COL24A1: variants seen among roughly 807,000 people sequenced by gnomAD.
The protein encoded by COL24A1 is collagen alpha-1(XXIV) chain.
COL24A1 carries 224 observed loss-of-function variants against 253.9 expected under a neutral mutation model. The ratio of observed to expected loss-of-function variants is 0.88; its 90% CI spans 0.79 to 0.99. The LOEUF (loss-of-function observed/expected upper bound fraction) is 0.99. COL24A1 is among the 50% of genes least tolerant of loss of function. The pLI is 0.00. For missense variants in COL24A1, 2,131 were observed against 2,068.5 expected (o/e 1.03, Z -0.59); for synonymous variants, 685 against 673.7 (o/e 1.02, Z -0.26).
intron 12 of COL24A1, among the ~76,000 whole-genome samples, chr1:86,039,889 C>T (rs1318482092): frequency 1.3e-5 from 2 of 152,016 alleles, no homozygotes; most frequent in African/African-American, 4.8e-5. Flanking sequence ...CCCTTCTTTT[C>T]CTCACAGCAA....
At chr1:85,817,271 C>T (rs1236182479) in intron 46 of COL24A1, among the ~76,000 whole-genome samples, 1 of 152,178 alleles carries the variant, frequency 6.6e-6, no homozygotes, top group African/African-American at 2.4e-5. Context: ...TCTGCCAAAC[C>T]TTGTATTGTG....
At chr1:85,828,264 T>G (rs1006867187) in intron 43 of COL24A1, among the ~76,000 whole-genome samples, 2 of 140,988 alleles carry the variant, frequency 1.4e-5, no homozygotes, top group African/African-American at 5.3e-5. Flanking sequence ...AGTTCTAGTT[T>G]GATTGCACTG....
intron 24 of COL24A1, among the ~76,000 whole-genome samples, chr1:85,916,580 T>A (rs1685920368): frequency 1.3e-5 from 2 of 152,104 alleles, no homozygotes; most frequent in Non-Finnish European, 1.5e-5. Flanking sequence ...CAGCTACTCA[T>A]GAAGCTGAGG....
intron 39 of COL24A1, among the ~76,000 whole-genome samples, chr1:85,844,313 A>G (rs1244780995): frequency 2.0e-5 from 3 of 152,106 alleles, no homozygotes; most frequent in African/African-American, 7.2e-5. Flanking sequence ...CTTTAAGATA[A>G]CTCTTGTTCA....
chr1:85,873,702 G>T (rs547864970), intron 35 of COL24A1, among the ~76,000 whole-genome samples: 1 of 152,228 alleles, frequency 6.6e-6, no homozygotes, highest in Admixed American at 6.5e-5. Flanking sequence ...AGGGGGAAGG[G>T]ATAGCATTAG....
chr1:85,785,538 T>A (rs188851164), intron 48 of COL24A1, among the ~76,000 whole-genome samples: 11 of 152,258 alleles, frequency 7.2e-5, no homozygotes, highest in South Asian at 2.1e-4. Context: ...AAACATGGGA[T>A]CTTTACTTCT....
At chr1:85,786,314 G>A (rs1162828832) in intron 48 of COL24A1, 40 bp downstream of exon 48, 2 of 1,554,856 alleles carry the variant, frequency 1.3e-6, no homozygotes, top group Non-Finnish European at 8.9e-7. Context: ...AGAAAGGATG[G>A]CCAATACTGC....
chr1:85,830,379 G>A (rs1675054517), intron 43 of COL24A1, among the ~76,000 whole-genome samples: 2 of 152,140 alleles, frequency 1.3e-5, no homozygotes, highest in Admixed American at 6.6e-5. Flanking sequence ...CTTTTTGTCT[G>A]TCTGTGCCCT....
intron 47 of COL24A1, among the ~76,000 whole-genome samples, chr1:85,796,616 C>T (rs1485189454): frequency 6.6e-6 from 1 of 152,154 alleles, no homozygotes; most frequent in Non-Finnish European, 1.5e-5. Context: ...TGATTAACTG[C>T]TATATTCCCT....
chr1:86,019,541 G>C (rs886674202), intron 18 of COL24A1, among the ~76,000 whole-genome samples: 4 of 150,138 alleles, frequency 2.7e-5, no homozygotes, highest in Non-Finnish European at 5.9e-5. Context: ...CTGAGCAACA[G>C]AGGGAGGCCC....
chr1:86,028,713 C>A (rs1698275402), intron 14 of COL24A1, among the ~76,000 whole-genome samples: 2 of 152,176 alleles, frequency 1.3e-5, no homozygotes, highest in African/African-American at 2.4e-5. Context: ...TTCCCATGAA[C>A]TGAAAGGTGA....
chr1:85,983,514 T>A (rs1217996591), intron 20 of COL24A1, among the ~76,000 whole-genome samples: 2 of 151,922 alleles, frequency 1.3e-5, no homozygotes, highest in African/African-American at 4.8e-5. Flanking sequence ...GCCAAATTGC[T>A]CTGGAAAGAA....
chr1:86,110,339 A>C (rs1295429431), intron 5 of COL24A1, among the ~76,000 whole-genome samples: 1 of 147,024 alleles, frequency 6.8e-6, no homozygotes, highest in East Asian at 2.0e-4. Flanking sequence ...ATTCTTCCAT[A>C]CGTTTTCCTA....
intron 57 of COL24A1, among the ~76,000 whole-genome samples, 193 bp from the exon 58 acceptor site, chr1:85,737,698 G>C (rs1664200969): frequency 6.6e-6 from 1 of 151,902 alleles, no homozygotes; most frequent in South Asian, 2.1e-4. Flanking sequence ...TGAGTAGCTG[G>C]GATTACAGGA....
At chr1:85,863,804 T>A (rs562822425) in intron 37 of COL24A1, among the ~76,000 whole-genome samples, 3 of 152,142 alleles carry the variant, frequency 2.0e-5, no homozygotes, top group African/African-American at 7.2e-5. Flanking sequence ...ACAATGCTCA[T>A]CATCACTGGC....
intron 24 of COL24A1, among the ~76,000 whole-genome samples, chr1:85,947,557 A>C (rs1433817020): frequency 6.6e-6 from 1 of 152,214 alleles, no homozygotes; most frequent in Non-Finnish European, 1.5e-5. Context: ...TATTGATACC[A>C]GTGAGAAAAA....
intron 10 of COL24A1, among the ~76,000 whole-genome samples, chr1:86,052,934 A>T (rs1700416224): frequency 2.6e-5 from 4 of 151,992 alleles, no homozygotes; most frequent in Admixed American, 2.6e-4. Flanking sequence ...GGTGCCTGAA[A>T]TTGCCTTATG....
At chr1:86,097,484 CTCCT>C (rs1704014586) in intron 5 of COL24A1, among the ~76,000 whole-genome samples, 1 of 55,112 alleles carries the variant, frequency 1.8e-5, no homozygotes, top group Non-Finnish European at 3.7e-5. Context: ...CTCCCTCCTC[CTCCT>C]CCCTCCTCCT....
chr1:86,035,965 A>C (rs906790462), intron 12 of COL24A1, among the ~76,000 whole-genome samples: 4 of 152,098 alleles, frequency 2.6e-5, no homozygotes, highest in African/African-American at 7.2e-5. Context: ...AACTGTGATC[A>C]GTTCTTCCCT....
Sources: allele counts gnomAD v4.1 joint callset (sites outside exome capture counted in the v4.1 genomes callset), GRCh38; gene constraint gnomAD v4.1.1; transcripts MANE v1.5; gene names NCBI Gene and HGNC (gene_info 2026-07-23, HGNC 2026-07-21).